Variants in SORBS2 observed in about 807,000 individuals in gnomAD.
SORBS2 encodes sorbin and SH3 domain containing 2.
In SORBS2, 46 loss-of-function variants were observed where a neutral mutation model predicts 97.7. The observed-to-expected ratio is 0.47, with a 90% confidence interval of 0.37 to 0.60. SORBS2 has a LOEUF of 0.60. SORBS2 is among the 20% of genes least tolerant of loss of function. The pLI is 0.00. For synonymous variants in SORBS2, 476 were observed against 473.4 expected (o/e 1.01, Z -0.07); for missense variants, 1,316 against 1,282.3 (o/e 1.03, Z -0.40).
chr4:185,762,152 A>G (rs2098898332), intron 2 of SORBS2, among the ~76,000 whole-genome samples: 2 of 152,218 alleles, frequency 1.3e-5, no homozygotes, highest in Admixed American at 6.5e-5. Flanking sequence ...AAGTAGAATC[A>G]ATGAGTAGGG....
intron 1 of SORBS2, among the ~76,000 whole-genome samples, chr4:185,804,762 C>A (rs58759688): frequency 0.072 from 10,900 of 152,008 alleles, 420 homozygotes; most frequent in Non-Finnish European, 0.078. Context: ...TTTGAATAAT[C>A]TTTTGCGTAG....
chr4:185,904,059 G>A (rs371667406), intron 1 of SORBS2, among the ~76,000 whole-genome samples: 79 of 152,174 alleles, frequency 5.2e-4, no homozygotes, highest in African/African-American at 1.6e-3. Flanking sequence ...AGAAACCACC[G>A]TACATTCATT....
intron 2 of SORBS2, among the ~76,000 whole-genome samples, chr4:185,701,189 T>C (rs1561997886): frequency 6.6e-6 from 1 of 152,256 alleles, no homozygotes; most frequent in African/African-American, 2.4e-5. Context: ...ACACTCTTTC[T>C]TTTATCTTGG....
chr4:185,830,991 T>A (rs2099204784), intron 1 of SORBS2, among the ~76,000 whole-genome samples: 1 of 152,196 alleles, frequency 6.6e-6, no homozygotes, highest in South Asian at 2.1e-4. Flanking sequence ...GACCTGCTCT[T>A]TATAACTCTT....
At chr4:185,711,865 A>G (rs1445766414) in intron 2 of SORBS2, among the ~76,000 whole-genome samples, 1 of 151,846 alleles carries the variant, frequency 6.6e-6, no homozygotes, top group Non-Finnish European at 1.5e-5. Context: ...CCAACACCAC[A>G]CTCAGCTGAC....
At position 185,623,587 on chromosome 4, in the gene SORBS2, G is replaced by GA; in HGVS notation, c.1541_1542insT (p.Ile515HisfsTer11). 1 of 1,614,142 alleles carries GA rather than the reference G, an allele frequency of 6.2e-7. No individual in the cohort carries two copies. Among genetic ancestry groups the GA allele is most frequent in the Non-Finnish European group, 8.5e-7 (1 of 1,180,026 alleles). ...AGAAGGATGACCCCTCTAGGTGAATGTAGTCACTGTGGTCGGACACAACCC... is the reference window on the plus strand; with the variant it reads ...AGAAGGATGACCCCTCTAGGTGAATGATAGTCACTGTGGTCGGACACAACCC... On this transcript the variant is annotated frameshift_variant, in exon 7 of 15. Transcript: ENST00000418609. LOFTEE classifies it high-confidence loss of function. This position sits in a 1 kb window ranked among gnomAD's most constrained non-coding sequence, Gnocchi z 6.4.
At chr4:185,594,777 T>G (rs2096045424) in intron 12 of SORBS2, among the ~76,000 whole-genome samples, 1 of 152,204 alleles carries the variant, frequency 6.6e-6, no homozygotes, top group African/African-American at 2.4e-5. Context: ...TAATTTATAT[T>G]GACTACCTAA....
Position 185,607,226 on chromosome 4 carries a change from G to T in SORBS2, c.2796+4554C>A. The T allele has an allele frequency of 1.7e-6, 2 of 1,200,802 alleles. No individual in the cohort carries two copies. The highest frequency in any genetic ancestry group is 2.9e-5 in the South Asian group (2 of 68,706). The allele number at this position is 1,200,802 out of a possible 1,614,324, so 74.4% of individuals were successfully genotyped here. ...AAACGAGGTGGTGTTGGGGCCAAAGGGTTTGCTGGTAGACATGAGGCTGTC... is the reference window on the plus strand; with the variant it reads ...AAACGAGGTGGTGTTGGGGCCAAAGTGTTTGCTGGTAGACATGAGGCTGTC... On this transcript the variant is annotated intron_variant, in intron 12 of 14. Transcript: ENST00000418609. The surrounding 1 kb of genome is among the most constrained non-coding windows in gnomAD (Gnocchi z 5.2).
intron 1 of SORBS2, among the ~76,000 whole-genome samples, chr4:185,786,978 C>CT (rs2099059162): frequency 1.2e-5 from 1 of 81,718 alleles, no homozygotes; most frequent in Non-Finnish European, 2.2e-5. Flanking sequence ...GAGGCTCTGT[C>CT]TCAAAAAAAA....
intron 6 of SORBS2, among the ~76,000 whole-genome samples, chr4:185,626,000 G>A (rs1388242361): frequency 2.0e-5 from 3 of 152,212 alleles, no homozygotes; most frequent in African/African-American, 4.8e-5. Context: ...GATATTAGAG[G>A]AGATTGTGGG....
At chr4:185,841,367 G>A (rs192093584) in intron 1 of SORBS2, among the ~76,000 whole-genome samples, 2 of 152,178 alleles carry the variant, frequency 1.3e-5, no homozygotes, top group African/African-American at 2.4e-5. Context: ...TGAGGGAAAT[G>A]TTGGGTAAAA....
Position 185,883,856 on chromosome 4 carries a change from A to C in SORBS2, c.-338+72340T>G, listed in dbSNP as rs115749349. Among the ~76,000 whole-genome samples the C allele has an allele frequency of 1.7e-3, 261 of 152,286 alleles. 4 individuals carry two copies. The highest frequency in any genetic ancestry group is 5.9e-3 in the African/African-American group (247 of 41,570). On this transcript the variant is annotated intron_variant, in intron 1 of 20. Transcript: ENST00000284776. ...GAGCAAGACCGTATATCTAAAAATAATTTTTTTAACTAACAAATGATCATT... is the reference window on the plus strand; with the variant it reads ...GAGCAAGACCGTATATCTAAAAATACTTTTTTTAACTAACAAATGATCATT...
In SORBS2 at chr4:185,844,011, T is replaced by A. The variant is rs548013625; in HGVS notation, c.-337-68645A>T. 5.3e-5 allele frequency among the ~76,000 whole-genome samples: 8 copies of A among 152,114 alleles called. 1 individual carries two copies. Among genetic ancestry groups the A allele is most frequent in the Non-Finnish European group, 8.8e-5 (6 of 68,016 alleles). On this transcript the variant is annotated intron_variant, in intron 1 of 20. Coordinates refer to the SORBS2 transcript ENST00000284776. Reference sequence around the variant, plus strand: ...TGTTGAAGACTGTACACTCTATGAGTATATGAGATAACACATCCCTTCCTT... The same window carrying A: ...TGTTGAAGACTGTACACTCTATGAGAATATGAGATAACACATCCCTTCCTT...
rs531297507 is a variant in SORBS2, at chr4:185,684,706, GC to G, written c.-197-5885del. The G allele has an allele frequency of 7.8e-7, 1 of 1,289,978 alleles. No homozygotes were observed. The highest frequency in any genetic ancestry group is 1.3e-5 in the South Asian group (1 of 77,850). 79.9% of individuals were successfully genotyped at this position (1,289,978 alleles called of 1,614,324 possible). On this transcript the variant is annotated intron_variant, in intron 2 of 20. Transcript: ENST00000284776. The surrounding 1 kb of genome is among the most constrained non-coding windows in gnomAD (Gnocchi z 4.2). ...GTTTAGAACAAAAACAGTCAGAAGA[GC>G]TAGAAGCCATTCAAGTGCGACATTG...
intron 1 of SORBS2, among the ~76,000 whole-genome samples, chr4:185,901,574 G>C (rs895433249): frequency 6.6e-6 from 1 of 151,830 alleles, no homozygotes; most frequent in Non-Finnish European, 1.5e-5. Flanking sequence ...GCTGTTTGGG[G>C]GTTATTCTAT....
intron 1 of SORBS2, among the ~76,000 whole-genome samples, chr4:185,784,585 T>C (rs1467845079): frequency 6.6e-6 from 1 of 152,180 alleles, no homozygotes; most frequent in Admixed American, 6.5e-5. Context: ...GATTTCTTGT[T>C]ATTTGAGGCA....
chr4:185,856,802 G>A (rs1184503913), intron 1 of SORBS2, among the ~76,000 whole-genome samples: 2 of 152,112 alleles, frequency 1.3e-5, no homozygotes, highest in Non-Finnish European at 2.9e-5. Context: ...GGCTGGGGAG[G>A]CCTCAGGAAA....
intron 1 of SORBS2, among the ~76,000 whole-genome samples, chr4:185,866,952 TC>T (rs1397366437): frequency 6.6e-6 from 1 of 152,206 alleles, no homozygotes; most frequent in African/African-American, 2.4e-5. Context: ...AGGAGAGATC[TC>T]CTTCAGGAGT....
chr4:185,840,299 G>C lies in SORBS2; in HGVS notation c.-337-64933C>G, dbSNP rs575819207. ...TGGGTCAAAGAGAATGCCAAGGTAT[G>C]GAATGCCTGCTTGTTTGCAGACCAA... is the stretch of plus-strand genomic sequence containing the variant. On this transcript the variant is annotated intron_variant, in intron 1 of 20. Coordinates refer to the SORBS2 transcript ENST00000284776. Among the ~76,000 whole-genome samples the C allele has an allele frequency of 2.6e-5, 4 of 152,294 alleles. No individual in the cohort carries two copies. In the East Asian group the frequency reaches 7.7e-4, roughly 29 times the overall value.
Sources: allele counts gnomAD v4.1 joint callset (sites outside exome capture counted in the v4.1 genomes callset), GRCh38; gene constraint gnomAD v4.1.1; non-coding constraint Gnocchi (gnomAD v3.1); transcripts MANE v1.5; gene names NCBI Gene and HGNC (gene_info 2026-07-23, HGNC 2026-07-21).